Variants in CNTN5 observed in about 807,000 individuals in gnomAD.
CNTN5 encodes contactin-5.
In CNTN5, 77 loss-of-function variants were observed where a neutral mutation model predicts 129.1. The observed-to-expected ratio is 0.60, with a 90% CI of 0.50 to 0.72. The LOEUF is 0.72. Among genes scored for constraint, CNTN5 ranks in the 30% least tolerant of loss-of-function variants. CNTN5 has a pLI of 0.00. For synonymous variants in CNTN5, 509 were observed against 465.6 expected (o/e 1.09, Z -1.20); for missense variants, 1,478 against 1,328.8 (o/e 1.11, Z -1.75).
intron 3 of CNTN5, among the ~76,000 whole-genome samples, chr11:99,681,369 C>T (rs1953543421): frequency 6.6e-6 from 1 of 151,956 alleles, no homozygotes; most frequent in African/African-American, 2.4e-5. Flanking sequence ...ACAAACATGT[C>T]GCAAACTTCA....
intron 3 of CNTN5, among the ~76,000 whole-genome samples, chr11:99,789,980 C>G (rs1264940130): frequency 6.6e-6 from 1 of 151,888 alleles, no homozygotes; most frequent in East Asian, 1.9e-4. Context: ...TCTTTATGTC[C>G]TTGAGTACCC....
chr11:99,715,713 T>C (rs1955190320), intron 3 of CNTN5, among the ~76,000 whole-genome samples: 1 of 151,998 alleles, frequency 6.6e-6, no homozygotes, highest in African/African-American at 2.4e-5. Context: ...TAAAAGCATT[T>C]GATAGATTTT....
At chr11:100,007,839 G>A (rs1168446593) in intron 9 of CNTN5, among the ~76,000 whole-genome samples, 1 of 151,636 alleles carries the variant, frequency 6.6e-6, no homozygotes, top group African/African-American at 2.4e-5. Flanking sequence ...CTAGCTTTCA[G>A]TCTGTCTTGG....
chr11:100,327,167 C>G (rs933374991), intron 21 of CNTN5, among the ~76,000 whole-genome samples: 10 of 152,182 alleles, frequency 6.6e-5, no homozygotes, highest in Non-Finnish European at 1.2e-4. Flanking sequence ...CCTAATTGTG[C>G]CACAGGCACA....
intron 3 of CNTN5, among the ~76,000 whole-genome samples, chr11:99,704,844 G>C (rs865902802): frequency 2.0e-5 from 3 of 151,200 alleles, no homozygotes; most frequent in African/African-American, 7.3e-5. Flanking sequence ...TTTCCTCTTT[G>C]TCATCAGTGA....
At chr11:99,050,791 AAT>A (rs1262108308) in intron 1 of CNTN5, among the ~76,000 whole-genome samples, 7 of 151,914 alleles carry the variant, frequency 4.6e-5, no homozygotes, top group African/African-American at 1.7e-4. Context: ...TGAAAAATTG[AAT>A]ATATGTTTTC....
intron 13 of CNTN5, among the ~76,000 whole-genome samples, chr11:100,088,819 T>A (rs1020833758): frequency 1.3e-5 from 2 of 152,024 alleles, no homozygotes; most frequent in South Asian, 4.2e-4. Flanking sequence ...AAGAAAGAGC[T>A]GATATCAATT....
At position 99,685,297 on chromosome 11, in the gene CNTN5, T is replaced by A. The variant is rs146246959; in HGVS notation, c.55+129028T>A. On this transcript the variant is annotated intron_variant, in intron 3 of 24. Coordinates refer to ENST00000524871, the MANE Select transcript of CNTN5 (RefSeq NM_014361.4). Reference sequence around the variant, plus strand: ...TTATCGAGAATATGGAAAATTTTAGTAAATAATGTGTTTACTATTACAATT... The same window carrying A: ...TTATCGAGAATATGGAAAATTTTAGAAAATAATGTGTTTACTATTACAATT... 2.5e-3 allele frequency among the ~76,000 whole-genome samples: 373 copies of A among 151,966 alleles called. 2 individuals are homozygous for A. Among genetic ancestry groups the A allele is most frequent in the African/African-American group, 8.5e-3 (354 of 41,562 alleles).
intron 4 of CNTN5, among the ~76,000 whole-genome samples, chr11:99,826,205 G>A (rs888086624): frequency 3.3e-5 from 5 of 151,776 alleles, no homozygotes; most frequent in East Asian, 3.9e-4. Flanking sequence ...GGTTTTCTTT[G>A]CAAGTACATG....
chr11:99,132,597 C>A (rs1416693012), intron 1 of CNTN5, among the ~76,000 whole-genome samples: 1 of 151,990 alleles, frequency 6.6e-6, no homozygotes, highest in Non-Finnish European at 1.5e-5. Context: ...ACAAGCATTC[C>A]TATACACCAA....
chr11:99,621,605 G>A (rs2135765420), intron 3 of CNTN5, among the ~76,000 whole-genome samples: 1 of 152,084 alleles, frequency 6.6e-6, no homozygotes, highest in Admixed American at 6.5e-5. Flanking sequence ...CTATCACGAG[G>A]GCTTTGAGCA....
intron 1 of CNTN5, among the ~76,000 whole-genome samples, chr11:99,079,605 C>T (rs561628000): frequency 6.6e-6 from 1 of 152,252 alleles, no homozygotes; most frequent in Admixed American, 6.5e-5. Context: ...ATATAGAATA[C>T]AAAATTTTAT....
chr11:100,094,442 A>G (rs1281143997), intron 13 of CNTN5, among the ~76,000 whole-genome samples: 1 of 152,140 alleles, frequency 6.6e-6, no homozygotes, highest in Non-Finnish European at 1.5e-5. Flanking sequence ...CAGTTTTCTT[A>G]CTAGCCTTGA....
intron 18 of CNTN5, among the ~76,000 whole-genome samples, chr11:100,295,455 T>C (rs1235708660): frequency 6.6e-6 from 1 of 151,508 alleles, no homozygotes; most frequent in Non-Finnish European, 1.5e-5. Flanking sequence ...TTTTTAATTT[T>C]TTACTCACAA....
intron 21 of CNTN5, among the ~76,000 whole-genome samples, chr11:100,334,577 C>T (rs1951988122): frequency 6.6e-6 from 1 of 151,890 alleles, no homozygotes; most frequent in African/African-American, 2.4e-5. Flanking sequence ...GTATATACAC[C>T]ATGGAATCCT....
At chr11:99,785,467 T>C (rs1945485397) in intron 3 of CNTN5, among the ~76,000 whole-genome samples, 2 of 152,150 alleles carry the variant, frequency 1.3e-5, no homozygotes, top group South Asian at 4.1e-4. Flanking sequence ...AGGTATGAAG[T>C]CTTTGCCCAT....
intron 1 of CNTN5, among the ~76,000 whole-genome samples, chr11:99,180,227 G>T (rs758220840): frequency 1.5e-4 from 23 of 152,148 alleles, no homozygotes; most frequent in Non-Finnish European, 2.5e-4. Context: ...GATACAGTAA[G>T]CAGATTGATA....
At chr11:99,523,653 A>AGAGAT (rs1947364004) in intron 2 of CNTN5, among the ~76,000 whole-genome samples, 1 of 88,820 alleles carries the variant, frequency 1.1e-5, no homozygotes, top group Admixed American at 1.0e-4. Flanking sequence ...ATAGAATAGA[A>AGAGAT]CAGAACAGAT....
intron 13 of CNTN5, among the ~76,000 whole-genome samples, chr11:100,111,029 A>G (rs1011504393): frequency 2.0e-5 from 3 of 152,178 alleles, no homozygotes; most frequent in Non-Finnish European, 2.9e-5. Flanking sequence ...GTAAAGACAA[A>G]GAAAACTTGT....
Sources: gnomAD v4.1 joint callset for allele counts (sites outside exome capture counted in the v4.1 genomes callset) on GRCh38, gnomAD v4.1.1 for gene constraint, MANE v1.5 for transcripts, NCBI Gene and HGNC (gene_info 2026-07-23, HGNC 2026-07-21) for gene names.